ADAMTS17: variants seen among roughly 807,000 people sequenced by gnomAD.
ADAMTS17 encodes ADAM metallopeptidase with thrombospondin type 1 motif 17.
In ADAMTS17, 113 loss-of-function variants were observed where a neutral mutation model predicts 141.5. The observed-to-expected ratio is 0.80, with a 90% CI of 0.69 to 0.93. ADAMTS17 has a LOEUF of 0.93. Among genes scored for constraint, ADAMTS17 ranks in the 40% least tolerant of loss-of-function variants. The pLI, the probability that ADAMTS17 is intolerant of heterozygous loss-of-function variation, is 0.00. For synonymous variants in ADAMTS17, 768 were observed against 630.6 expected, an observed-to-expected ratio of 1.22 and a Z score of -3.27; for missense variants, 1,659 against 1,517.9, an observed-to-expected ratio of 1.09 and a Z score of -1.54.
At chr15:100,328,673 A>T (rs2045962314) in intron 3 of ADAMTS17, among the ~76,000 whole-genome samples, 1 of 152,196 alleles carries the variant, frequency 6.6e-6, no homozygotes, top group Non-Finnish European at 1.5e-5. Flanking sequence ...ACAGTCTATC[A>T]AAAGAATGCC....
chr15:99,983,546 G>A (rs889066399), intron 20 of ADAMTS17, among the ~76,000 whole-genome samples: 1 of 152,158 alleles, frequency 6.6e-6, no homozygotes, highest in Admixed American at 6.5e-5. Context: ...GATCCCAACA[G>A]GATGTTTTGA....
At chr15:100,182,720 G>A (rs907305504) in intron 8 of ADAMTS17, among the ~76,000 whole-genome samples, 2 of 152,154 alleles carry the variant, frequency 1.3e-5, no homozygotes, top group African/African-American at 4.8e-5. Context: ...GTGGTGGCAG[G>A]GGGTGACAAC....
At chr15:100,288,347 CA>C (rs1670853443) in intron 3 of ADAMTS17, among the ~76,000 whole-genome samples, 1 of 152,182 alleles carries the variant, frequency 6.6e-6, no homozygotes, top group South Asian at 2.1e-4. Flanking sequence ...ATGCACCCAA[CA>C]CAGAAGCAGA....
Position 100,127,722 on chromosome 15 carries a change from C to G in ADAMTS17, c.1721+4285G>C, listed in dbSNP as rs527467995. ...TCAGCCTCCCAAGTAGCTGGGATTA[C>G]AGGCATGTGCCACCGCACCTGGCTA... On this transcript the variant is annotated intron_variant, in intron 12 of 21. Coordinates refer to ENST00000268070, the MANE Select transcript of ADAMTS17 (RefSeq NM_139057.4). Among the ~76,000 whole-genome samples the G allele has an allele frequency of 3.3e-5, 5 of 152,256 alleles. No homozygotes were observed. In the East Asian group the frequency reaches 7.7e-4, roughly 24 times the overall value.
At chr15:100,179,855 C>T (rs562846451) in intron 8 of ADAMTS17, among the ~76,000 whole-genome samples, 19 of 152,238 alleles carry the variant, frequency 1.2e-4, no homozygotes, top group South Asian at 1.2e-3. Flanking sequence ...AGATCTTTTG[C>T]GCGTTTTTAA....
intron 13 of ADAMTS17, among the ~76,000 whole-genome samples, chr15:100,115,363 G>A (rs1368873747): frequency 1.3e-5 from 2 of 152,232 alleles, no homozygotes. Context: ...GGAAAATTCA[G>A]GGTGCAAAGG....
At chr15:100,162,071 T>A (rs2039715647) in intron 8 of ADAMTS17, among the ~76,000 whole-genome samples, 1 of 151,944 alleles carries the variant, frequency 6.6e-6, no homozygotes, top group South Asian at 2.1e-4. Flanking sequence ...AATGGATAAA[T>A]AATGACCAAT....
At chr15:100,267,327 A>G (rs984802160) in intron 4 of ADAMTS17, among the ~76,000 whole-genome samples, 6 of 152,088 alleles carry the variant, frequency 3.9e-5, no homozygotes, top group African/African-American at 1.4e-4. Context: ...TTAAGGCTGG[A>G]TAATATTCCA....
intron 18 of ADAMTS17, 122 bp downstream of exon 18, chr15:100,048,735 C>A: frequency 6.9e-7 from 1 of 1,455,898 alleles, no homozygotes; most frequent in East Asian, 2.4e-5. Context: ...AATCTCTCAT[C>A]AACAATAACG....
Position 100,261,585 on chromosome 15 carries a change from G to A in ADAMTS17, c.925C>T (p.His309Tyr). The change falls in exon 6 of 22, where the codon CAC becomes TAC. Residue 309 changes from histidine (H) to tyrosine (Y), a missense_variant. Physicochemically the swap from His to Tyr is moderately conservative, Grantham distance 83. Transcript: ENST00000268070. ...HGERSLESFC[H>Y]WQNEEYGGAR... is the part of the protein sequence containing the mutation. ...CCTCCATACTCCTCGTTCTGCCAGT[G>A]ACAGAAGCTCTCCAGGGACCGCTCA... is the stretch of plus-strand genomic sequence containing the variant. 6.2e-7 allele frequency: 1 copy of A among 1,614,150 alleles called. No individual in the cohort carries two copies. Among genetic ancestry groups the A allele is most frequent in the Non-Finnish European group, 8.5e-7 (1 of 1,180,018 alleles).
intron 20 of ADAMTS17, among the ~76,000 whole-genome samples, chr15:99,985,635 C>G (rs1234201576): frequency 6.6e-6 from 1 of 152,166 alleles, no homozygotes; most frequent in African/African-American, 2.4e-5. Context: ...AATTCGGAAT[C>G]TAAGCCTCTG....
At chr15:100,321,100 C>A (rs1596518894) in intron 3 of ADAMTS17, among the ~76,000 whole-genome samples, 1 of 151,954 alleles carries the variant, frequency 6.6e-6, no homozygotes, top group East Asian at 1.9e-4. Context: ...CGTGTAAAAT[C>A]AAGATAAAGC....
intron 15 of ADAMTS17, among the ~76,000 whole-genome samples, chr15:100,093,519 G>T (rs1274652922): frequency 6.6e-6 from 1 of 152,048 alleles, no homozygotes. Context: ...GCTGCACTTG[G>T]CGTCACCAAG....
chr15:100,010,919 T>C (rs559145948), intron 18 of ADAMTS17, among the ~76,000 whole-genome samples: 93 of 152,290 alleles, frequency 6.1e-4, no homozygotes, highest in African/African-American at 2.2e-3. Context: ...AAAAGTAATA[T>C]TATTCCCATA....
intron 7 of ADAMTS17, among the ~76,000 whole-genome samples, chr15:100,231,208 T>G (rs1049774761): frequency 1.3e-5 from 2 of 152,200 alleles, no homozygotes; most frequent in Non-Finnish European, 2.9e-5. Context: ...CTACGTTGCT[T>G]CAAATTCTGA....
At chr15:100,223,490 C>T (rs182616027) in intron 7 of ADAMTS17, among the ~76,000 whole-genome samples, 73 of 152,148 alleles carry the variant, frequency 4.8e-4, no homozygotes, top group Non-Finnish European at 6.3e-4. Flanking sequence ...GCTCATCTCA[C>T]GGGGGCAGAA....
chr15:100,027,978 C>T (rs942813942), intron 18 of ADAMTS17, among the ~76,000 whole-genome samples: 2 of 152,134 alleles, frequency 1.3e-5, no homozygotes, highest in Non-Finnish European at 1.5e-5. Context: ...ATGGCAGTCC[C>T]CACTGGGGAG....
At chr15:100,208,491 G>C (rs1162376707) in intron 7 of ADAMTS17, among the ~76,000 whole-genome samples, 2 of 152,144 alleles carry the variant, frequency 1.3e-5, no homozygotes, top group African/African-American at 2.4e-5. Flanking sequence ...AAGGATGTTT[G>C]CCTTATAATA....
chr15:100,101,796 A>C (rs1555449425), intron 14 of ADAMTS17, among the ~76,000 whole-genome samples: 1 of 152,236 alleles, frequency 6.6e-6, no homozygotes, highest in Non-Finnish European at 1.5e-5. Context: ...TGGAATAAGC[A>C]GTACTTGCTT....
Sources: gnomAD v4.1 joint callset for allele counts (sites outside exome capture counted in the v4.1 genomes callset) on GRCh38, gnomAD v4.1.1 for gene constraint, MANE v1.5 for transcripts, NCBI Gene and HGNC (gene_info 2026-07-23, HGNC 2026-07-21) for gene names.